RIN3: variants seen among roughly 807,000 people sequenced by gnomAD.
RIN3 encodes Ras and Rab interactor 3.
Under a neutral mutation model 76.3 loss-of-function variants are expected in RIN3, and 54 were observed. The observed-to-expected ratio is 0.71, with a 90% confidence interval of 0.57 to 0.89. The LOEUF (loss-of-function observed/expected upper bound fraction) is 0.89, where lower values mean the gene tolerates loss of function less well. Ranked by LOEUF, RIN3 falls within the 40% of genes least tolerant of loss-of-function variation. RIN3 has a pLI of 0.00. For synonymous variants in RIN3, 576 were observed against 564.0 expected (o/e 1.02, Z -0.30); for missense variants, 1,256 against 1,322.1 (o/e 0.95, Z 0.78).
At chr14:92,686,687 G>C (rs947573128) in intron 9 of RIN3, 1 of 152,378 alleles carries the variant, frequency 6.6e-6, no homozygotes, top group Non-Finnish European at 1.5e-5. Flanking sequence ...AAGCTTCGGA[G>C]GGGGGTCCCC....
At chr14:92,679,469 C>T (rs1367170576) in intron 8 of RIN3, among the ~76,000 whole-genome samples, 3 of 152,256 alleles carry the variant, frequency 2.0e-5, no homozygotes, top group Non-Finnish European at 4.4e-5. Flanking sequence ...GACAGCCAGC[C>T]TTGCAGGTGT....
intron 7 of RIN3, among the ~76,000 whole-genome samples, chr14:92,676,198 G>A (rs1331404387): frequency 6.6e-6 from 1 of 151,950 alleles, no homozygotes; most frequent in East Asian, 1.9e-4. Flanking sequence ...GTCATGGAGA[G>A]GGAGGACTAG....
intron 3 of RIN3, among the ~76,000 whole-genome samples, chr14:92,582,916 C>G (rs1002983061): frequency 6.6e-6 from 1 of 152,204 alleles, no homozygotes; most frequent in Non-Finnish European, 1.5e-5. Context: ...TGATGCCCTC[C>G]TCCTTGACAC....
At chr14:92,572,718 G>A (rs1595425873) in intron 2 of RIN3, among the ~76,000 whole-genome samples, 1 of 152,168 alleles carries the variant, frequency 6.6e-6, no homozygotes, top group Admixed American at 6.5e-5. Context: ...TTGTTCTGTG[G>A]GTCTTGGCCT....
chr14:92,550,058 T>C (rs977580280), intron 1 of RIN3, among the ~76,000 whole-genome samples: 1 of 152,218 alleles, frequency 6.6e-6, no homozygotes, highest in Non-Finnish European at 1.5e-5. Context: ...CGACGGTTCC[T>C]GGCAGTTGGA....
At chr14:92,624,537 C>A (rs745599092) in intron 4 of RIN3, among the ~76,000 whole-genome samples, 1 of 152,130 alleles carries the variant, frequency 6.6e-6, no homozygotes, top group Non-Finnish European at 1.5e-5. Flanking sequence ...GTGGTCCAAA[C>A]GACATATTCC....
chr14:92,657,417 G>A (rs1185800275), intron 6 of RIN3, among the ~76,000 whole-genome samples: 1 of 151,956 alleles, frequency 6.6e-6, no homozygotes, highest in African/African-American at 2.4e-5. Flanking sequence ...GGGTGCTTCT[G>A]GTTTGATTAG....
rs1284807467 is a variant in RIN3, at chr14:92,652,989, T to C, written c.1940T>C (p.Met647Thr). Reference protein sequence around the residue: ...STEMLQEIRTMMTQLKSYLLQ... With the variant: ...STEMLQEIRTTMTQLKSYLLQ... ...GAGATGCTGCAGGAGATTCGCACCA[T>C]GATGACCCAGCTCAAGAGCTACCTG... The change falls in exon 6 of 10, where the codon ATG becomes ACG. Residue 647 changes from methionine to threonine, a missense_variant. Transcript: ENST00000216487. The surrounding 1 kb of genome is among the most constrained non-coding windows in gnomAD (Gnocchi z 6.4). 1 of 1,613,256 alleles carries C rather than the reference T, an allele frequency of 6.2e-7. No homozygotes were observed. The highest frequency in any genetic ancestry group is 8.5e-7 in the Non-Finnish European group (1 of 1,180,006).
intron 4 of RIN3, among the ~76,000 whole-genome samples, chr14:92,619,378 A>C (rs1053390545): frequency 5.3e-5 from 8 of 151,678 alleles, no homozygotes; most frequent in Non-Finnish European, 8.8e-5. Flanking sequence ...ACAAAAAAAA[A>C]CACACACACA....
chr14:92,601,535 C>A (rs1885344416), intron 3 of RIN3, among the ~76,000 whole-genome samples: 1 of 152,182 alleles, frequency 6.6e-6, no homozygotes, highest in Non-Finnish European at 1.5e-5. Context: ...CTTGGAGATC[C>A]TTCTGTGGCA....
chr14:92,593,979 T>G (rs1885071438), intron 3 of RIN3, among the ~76,000 whole-genome samples: 1 of 152,144 alleles, frequency 6.6e-6, no homozygotes, highest in Non-Finnish European at 1.5e-5. Flanking sequence ...AAGAACATAG[T>G]TGAATTCAGC....
chr14:92,529,770 T>A (rs1896835789), intron 1 of RIN3, among the ~76,000 whole-genome samples: 1 of 152,176 alleles, frequency 6.6e-6, no homozygotes, highest in Admixed American at 6.5e-5. Flanking sequence ...CGAAGCGTAG[T>A]GTTCGAGGGC....
At chr14:92,654,313 T>TA (rs35920629) in intron 6 of RIN3, among the ~76,000 whole-genome samples, 100 of 131,044 alleles carry the variant, frequency 7.6e-4, no homozygotes, top group Non-Finnish European at 1.3e-3. Flanking sequence ...AAACTCTGTC[T>TA]AAAAAAAAAA....
In RIN3 at chr14:92,687,915, C is replaced by G; in HGVS notation, c.2632-11C>G. 6.5e-7 allele frequency: 1 copy of G among 1,533,112 alleles called. No individual in the cohort carries two copies. The highest frequency in any genetic ancestry group is 8.8e-7 in the Non-Finnish European group (1 of 1,140,990). The allele number at this position is 1,533,112 out of a possible 1,614,324, so 95.0% of individuals were successfully genotyped here. On this transcript the variant is annotated splice_polypyrimidine_tract_variant and intron_variant, in intron 9 of 9. Transcript: ENST00000216487. ...CCCCGCCGTGACCACAGGCCCCTCGCGTCTCCGCAGGACTTCATCTGCGTG... is the reference window on the plus strand; with the variant it reads ...CCCCGCCGTGACCACAGGCCCCTCGGGTCTCCGCAGGACTTCATCTGCGTG...
chr14:92,622,258 A>G (rs374241961), intron 4 of RIN3, among the ~76,000 whole-genome samples: 9 of 152,330 alleles, frequency 5.9e-5, no homozygotes, highest in East Asian at 5.8e-4. Context: ...CCCCCAGAGC[A>G]TCCTCCTGTG....
intron 7 of RIN3, among the ~76,000 whole-genome samples, chr14:92,664,719 G>A (rs1043122525): frequency 2.6e-5 from 4 of 152,068 alleles, no homozygotes; most frequent in African/African-American, 7.2e-5. Context: ...TGTCTGAATA[G>A]CGTAAGGGTA....
intron 2 of RIN3, among the ~76,000 whole-genome samples, chr14:92,570,844 C>T (rs918359314): frequency 6.6e-6 from 1 of 152,182 alleles, no homozygotes; most frequent in Non-Finnish European, 1.5e-5. Flanking sequence ...TGACATTTTC[C>T]ATATGAGACC....
At chr14:92,545,630 G>A (rs1482998300) in intron 1 of RIN3, among the ~76,000 whole-genome samples, 3 of 144,914 alleles carry the variant, frequency 2.1e-5, no homozygotes, top group African/African-American at 7.7e-5. Flanking sequence ...ACTGAGGCTG[G>A]AGTGCAGTGG....
chr14:92,601,424 G>A (rs376041845), intron 3 of RIN3, among the ~76,000 whole-genome samples: 5 of 152,098 alleles, frequency 3.3e-5, no homozygotes, highest in African/African-American at 4.8e-5. Flanking sequence ...TCACAGTGGC[G>A]GTCACTTTCT....
Sources: allele counts gnomAD v4.1 joint callset (sites outside exome capture counted in the v4.1 genomes callset), GRCh38; gene constraint gnomAD v4.1.1; non-coding constraint Gnocchi (gnomAD v3.1); transcripts MANE v1.5; gene names NCBI Gene and HGNC (gene_info 2026-07-23, HGNC 2026-07-21).